The following CACHD1 variants were observed in gnomAD, a reference collection of about 807,000 sequenced individuals.
CACHD1 encodes the protein VWFA and cache domain-containing protein 1.
In CACHD1, 71 loss-of-function variants were observed where a neutral mutation model predicts 138.7. The ratio of observed to expected loss-of-function variants is 0.51; its 90% CI spans 0.42 to 0.62. CACHD1 has a LOEUF of 0.62. CACHD1 is among the 20% of genes least tolerant of loss of function. The pLI is 0.00. For synonymous variants in CACHD1, 578 were observed against 591.5 expected, an observed-to-expected ratio of 0.98 and a Z score of 0.33; for missense variants, 1,389 against 1,625.3, an observed-to-expected ratio of 0.85 and a Z score of 2.50.
intron 21 of CACHD1, among the ~76,000 whole-genome samples, chr1:64,676,581 A>G (rs1453732310): frequency 1.3e-5 from 2 of 151,728 alleles, no homozygotes; most frequent in Admixed American, 1.3e-4. Flanking sequence ...CAATCCTCCC[A>G]CCTTTCTACC....
intron 19 of CACHD1, 148 bp downstream of exon 19, chr1:64,673,612 C>T (rs929846039): frequency 1.4e-6 from 1 of 717,952 alleles, no homozygotes; most frequent in Non-Finnish European, 2.4e-6. Flanking sequence ...AGCTTAGTTC[C>T]AGTTCCCAGT....
At chr1:64,552,887 G>T (rs753195516) in intron 2 of CACHD1, among the ~76,000 whole-genome samples, 6 of 152,180 alleles carry the variant, frequency 3.9e-5, no homozygotes, top group Non-Finnish European at 7.3e-5. Flanking sequence ...AAGTGCAAGG[G>T]AATTATCGTA....
chr1:64,670,906 A>C (rs1181296731), intron 16 of CACHD1, among the ~76,000 whole-genome samples: 1 of 152,232 alleles, frequency 6.6e-6, no homozygotes, highest in Non-Finnish European at 1.5e-5. Flanking sequence ...TGCTGATTCC[A>C]GAGCCAAACA....
chr1:64,533,673 AATACT>A (rs1245230279), intron 1 of CACHD1, among the ~76,000 whole-genome samples: 4 of 152,124 alleles, frequency 2.6e-5, no homozygotes, highest in Admixed American at 6.5e-5. Flanking sequence ...TAATTCAGAG[AATACT>A]ATACATGATG....
intron 3 of CACHD1, among the ~76,000 whole-genome samples, chr1:64,592,534 A>T (rs1165780847): frequency 6.6e-6 from 1 of 152,196 alleles, no homozygotes; most frequent in African/African-American, 2.4e-5. Context: ...GAAGAGTGGA[A>T]CTTCCACAGA....
chr1:64,538,450 C>G (rs564324878), intron 1 of CACHD1, among the ~76,000 whole-genome samples: 2 of 152,194 alleles, frequency 1.3e-5, no homozygotes, highest in East Asian at 3.9e-4. Context: ...AGTAGCTTTT[C>G]AAAAGTCTAG....
rs1342624583 is a variant in CACHD1 at position 64,675,991 on chromosome 1, A to G, written c.2975+8A>G. On this transcript the variant is annotated splice_region_variant and intron_variant, in intron 21 of 26. Transcript: ENST00000651257. Reference sequence around the variant, plus strand: ...CACCAATGCAGAGAACCGGTAAAATAATTAATAATAATAATAATAATAATA... The same window carrying G: ...CACCAATGCAGAGAACCGGTAAAATGATTAATAATAATAATAATAATAATA... The G allele has an allele frequency of 1.5e-6, 1 of 686,550 alleles. No individual in the cohort carries two copies. The highest frequency in any genetic ancestry group is 2.0e-6 in the Non-Finnish European group (1 of 491,588). 42.5% of individuals were successfully genotyped at this position (686,550 alleles called of 1,614,324 possible). A position where few individuals can be genotyped will look rare whatever the true frequency, so the allele number is the denominator to read the frequency against.
At chr1:64,668,474 T>C (rs966939677) in intron 16 of CACHD1, among the ~76,000 whole-genome samples, 3 of 152,184 alleles carry the variant, frequency 2.0e-5, no homozygotes, top group African/African-American at 7.2e-5. Context: ...GCCAAGAATG[T>C]GCCACTGCAC....
rs188118014 is a variant in CACHD1, at chr1:64,517,026, T to A, written c.199-33568T>A. ...TCAGTTTTGTCATGTAAATTGGGGA[T>A]GCTGTTAGTACCTATTTCATGGGCT... On this transcript the variant is annotated intron_variant, in intron 1 of 26. Transcript: ENST00000651257. Among the ~76,000 whole-genome samples, 10 of 152,338 alleles carry A rather than the reference T, an allele frequency of 6.6e-5. No homozygotes were observed. The East Asian group carries it at 1.5e-3, about 24-fold the overall frequency.
chr1:64,664,718 C>T (rs953925987), intron 15 of CACHD1, 39 bp downstream of exon 15: 1 of 1,587,640 alleles, frequency 6.3e-7, no homozygotes, highest in African/African-American at 1.3e-5. Flanking sequence ...GGTTCTCCCC[C>T]AAATCCTGGA....
intron 1 of CACHD1, 54 bp from the exon 2 acceptor site, chr1:64,550,540 A>C (rs977612781): frequency 8.1e-7 from 1 of 1,236,690 alleles, no homozygotes; most frequent in African/African-American, 1.5e-5. Flanking sequence ...ATACACACTC[A>C]TGTAGAAAAT....
At chr1:64,675,622 C>A in intron 20 of CACHD1, 61 bp downstream of exon 20, 1 of 1,537,944 alleles carries the variant, frequency 6.5e-7, no homozygotes, top group South Asian at 1.2e-5. Flanking sequence ...CAACTGATGT[C>A]AGGCATTTTG....
chr1:64,557,130 A>G (rs1557491672), intron 2 of CACHD1, among the ~76,000 whole-genome samples: 2 of 152,116 alleles, frequency 1.3e-5, no homozygotes, highest in Non-Finnish European at 2.9e-5. Flanking sequence ...CGAAAAAAAA[A>G]AAAAAATTAA....
chr1:64,676,032 A>C, intron 21 of CACHD1, 49 bp downstream of exon 21: 1 of 436,870 alleles, frequency 2.3e-6, no homozygotes, highest in Non-Finnish European at 3.1e-6. Flanking sequence ...AATAATAATA[A>C]TAATAATACA....
At chr1:64,684,992 A>G (rs2100745237) in intron 26 of CACHD1, among the ~76,000 whole-genome samples, 1 of 152,214 alleles carries the variant, frequency 6.6e-6, no homozygotes, top group East Asian at 1.9e-4. Context: ...TATTTTTGGA[A>G]GAGACTGGGT....
At chr1:64,507,241 C>T (rs1646384427) in intron 1 of CACHD1, among the ~76,000 whole-genome samples, 1 of 152,292 alleles carries the variant, frequency 6.6e-6, no homozygotes, top group East Asian at 1.9e-4. Flanking sequence ...TTCCTTTTAC[C>T]CTACTTTCGT....
chr1:64,473,322 G>GA (rs200348989), intron 1 of CACHD1, among the ~76,000 whole-genome samples: 43 of 148,638 alleles, frequency 2.9e-4, no homozygotes, highest in East Asian at 9.8e-4. Context: ...AGACTGGTCG[G>GA]AAAAAAAAAA....
chr1:64,676,288 A>T (rs1649989342), intron 21 of CACHD1, among the ~76,000 whole-genome samples: 1 of 152,200 alleles, frequency 6.6e-6, no homozygotes, highest in African/African-American at 2.4e-5. Flanking sequence ...TGAGTACGTT[A>T]TGCACATTAA....
chr1:64,523,125 A>G (rs1646510780), intron 1 of CACHD1, among the ~76,000 whole-genome samples: 1 of 152,230 alleles, frequency 6.6e-6, no homozygotes, highest in Non-Finnish European at 1.5e-5. Context: ...TAGTGTGACA[A>G]TGGTATTGTT....
Sources: allele counts gnomAD v4.1 joint callset (sites outside exome capture counted in the v4.1 genomes callset), GRCh38; gene constraint gnomAD v4.1.1; transcripts MANE v1.5; gene names NCBI Gene and HGNC (gene_info 2026-07-23, HGNC 2026-07-21).